The following GALNT18 variants were observed in gnomAD, a reference collection of about 807,000 sequenced individuals.
GALNT18 encodes the protein GalNAc-transferase 18.
Under a neutral mutation model 69.5 loss-of-function variants are expected in GALNT18, and 44 were observed. The observed-to-expected ratio is 0.63, with a 90% CI of 0.50 to 0.81. The LOEUF is 0.81. Ranked by LOEUF, GALNT18 falls within the 40% of genes least tolerant of loss-of-function variation. The pLI is 0.00. For missense variants in GALNT18, 715 were observed against 810.0 expected, an observed-to-expected ratio of 0.88 and a Z score of 1.42; for synonymous variants, 364 against 318.2, an observed-to-expected ratio of 1.14 and a Z score of -1.53.
intron 3 of GALNT18, among the ~76,000 whole-genome samples, chr11:11,399,420 G>A (rs1854410279): frequency 6.6e-6 from 1 of 152,148 alleles, no homozygotes; most frequent in African/African-American, 2.4e-5. Context: ...AAAGGGGTGG[G>A]TTTTGAGTGC....
intron 6 of GALNT18, among the ~76,000 whole-genome samples, chr11:11,366,576 C>A (rs938324141): frequency 6.6e-6 from 1 of 152,182 alleles, no homozygotes. Flanking sequence ...TAGGATAATA[C>A]TATCTGGCTT....
intron 1 of GALNT18, among the ~76,000 whole-genome samples, chr11:11,560,359 G>C: frequency 7.4e-6 from 1 of 134,562 alleles, no homozygotes; most frequent in Admixed American, 7.5e-5. Flanking sequence ...GAATGAAACA[G>C]AGTAGTTGTG....
At chr11:11,354,689 C>T (rs1157147882) in intron 6 of GALNT18, among the ~76,000 whole-genome samples, 1 of 152,170 alleles carries the variant, frequency 6.6e-6, no homozygotes, top group Non-Finnish European at 1.5e-5. Context: ...TGCTATACCA[C>T]AGCTTTTCGG....
At chr11:11,342,349 G>A (rs1044908315) in intron 6 of GALNT18, among the ~76,000 whole-genome samples, 2 of 152,154 alleles carry the variant, frequency 1.3e-5, no homozygotes, top group Admixed American at 1.3e-4. Flanking sequence ...AAGATCTCCT[G>A]GTGGACAGTA....
At chr11:11,553,427 C>T (rs1360192303) in intron 1 of GALNT18, among the ~76,000 whole-genome samples, 1 of 152,234 alleles carries the variant, frequency 6.6e-6, no homozygotes, top group Non-Finnish European at 1.5e-5. Context: ...CAAAGCCCAC[C>T]TCCACAGCTC....
At chr11:11,365,370 C>T (rs760718287) in intron 6 of GALNT18, among the ~76,000 whole-genome samples, 4 of 152,140 alleles carry the variant, frequency 2.6e-5, no homozygotes, top group Non-Finnish European at 2.9e-5. Flanking sequence ...TGTATATGTA[C>T]CACATTTTCT....
chr11:11,592,791 T>C lies in GALNT18; in HGVS notation c.235+28568A>G, dbSNP rs1436442706. Among the ~76,000 whole-genome samples the C allele has an allele frequency of 6.6e-6, 1 of 152,222 alleles. No individual in the cohort carries two copies. The highest frequency in any genetic ancestry group is 1.9e-4 in the East Asian group (1 of 5,196). On this transcript the variant is annotated intron_variant, in intron 1 of 10. Transcript: ENST00000227756. This position sits in a 1 kb window ranked among gnomAD's most constrained non-coding sequence, Gnocchi z 5.9. ...AAAATTTTTTGACATATCTTCAAAGTATAAAGAGAAGGCAAGATATTCTGT... is the reference window on the plus strand; with the variant it reads ...AAAATTTTTTGACATATCTTCAAAGCATAAAGAGAAGGCAAGATATTCTGT...
intron 7 of GALNT18, among the ~76,000 whole-genome samples, chr11:11,335,191 G>T (rs920762621): frequency 3.9e-5 from 6 of 152,182 alleles, no homozygotes; most frequent in African/African-American, 1.2e-4. Flanking sequence ...ACAGGGCAAA[G>T]TTTGCCTCCC....
intron 1 of GALNT18, among the ~76,000 whole-genome samples, chr11:11,503,776 T>C (rs10741551): frequency 0.36 from 55,396 of 152,098 alleles, 10,573 homozygotes; most frequent in East Asian, 0.59. Flanking sequence ...CCCCTTTTTG[T>C]TGACGTAAAT....
chr11:11,385,997 G>A (rs1030924593), intron 3 of GALNT18, among the ~76,000 whole-genome samples: 24 of 152,102 alleles, frequency 1.6e-4, no homozygotes, highest in African/African-American at 5.8e-4. Context: ...CTAAGCCAAG[G>A]CCTGTCAAAG....
chr11:11,513,881 TCA>T (rs1857212730), intron 1 of GALNT18, among the ~76,000 whole-genome samples: 1 of 152,228 alleles, frequency 6.6e-6, no homozygotes, highest in African/African-American at 2.4e-5. Flanking sequence ...TACAGGGAAC[TCA>T]CTCTGATGGG....
chr11:11,420,729 G>T (rs563091098), intron 3 of GALNT18, among the ~76,000 whole-genome samples: 26 of 152,268 alleles, frequency 1.7e-4, no homozygotes, highest in Middle Eastern at 6.8e-3. Context: ...GACCTTTCCT[G>T]CTGGCTGCAC....
chr11:11,423,532 CCCAGGCAAAGCT>C (rs1318847331), intron 3 of GALNT18, among the ~76,000 whole-genome samples: 2 of 152,176 alleles, frequency 1.3e-5, no homozygotes, highest in African/African-American at 2.4e-5. Flanking sequence ...TTACTGAAAC[CCCAGGCAAAGCT>C]CCAGGCAAAG....
intron 3 of GALNT18, among the ~76,000 whole-genome samples, chr11:11,426,376 C>T (rs533584204): frequency 6.6e-6 from 1 of 152,194 alleles, no homozygotes; most frequent in South Asian, 2.1e-4. Context: ...GTCCCAGGCT[C>T]CTCAGCTGCA....
At position 11,315,635 on chromosome 11, in the gene GALNT18, G is replaced by A. The variant is rs1417214199; in HGVS notation, c.1512+11451C>T. Among the ~76,000 whole-genome samples, 1 of 152,176 alleles carries A rather than the reference G, an allele frequency of 6.6e-6. No homozygotes were observed. The highest frequency in any genetic ancestry group is 2.4e-5 in the African/African-American group (1 of 41,442). On this transcript the variant is annotated intron_variant, in intron 9 of 10. Coordinates refer to ENST00000227756, the MANE Select transcript of GALNT18 (RefSeq NM_198516.3). This position sits in a 1 kb window ranked among gnomAD's most constrained non-coding sequence, Gnocchi z 5.6. Reference sequence around the variant, plus strand: ...ATCACCATCACATGTGGGGCACCGGGTCAGGCATCATGGCATACAGGCCAT... The same window carrying A: ...ATCACCATCACATGTGGGGCACCGGATCAGGCATCATGGCATACAGGCCAT...
intron 3 of GALNT18, among the ~76,000 whole-genome samples, chr11:11,380,760 A>G (rs1853893825): frequency 6.6e-6 from 1 of 152,218 alleles, no homozygotes; most frequent in Non-Finnish European, 1.5e-5. Flanking sequence ...ACTTTTATTT[A>G]ATCAGCCTTT....
At position 11,457,014 on chromosome 11, in the gene GALNT18, G is replaced by A. The variant is rs183200764; in HGVS notation, c.236-8078C>T. Among the ~76,000 whole-genome samples the A allele has an allele frequency of 2.1e-3, 325 of 152,358 alleles. 1 individual carries two copies. Among genetic ancestry groups the A allele is most frequent in the African/African-American group, 7.4e-3 (309 of 41,598 alleles). On this transcript the variant is annotated intron_variant, in intron 1 of 10. Transcript: ENST00000227756. Reference sequence around the variant, plus strand: ...TGAATGCAACAAAAGCCACAGCTCTGAGCGTTGTGCATGGGCTAATTGGCC... The same window carrying A: ...TGAATGCAACAAAAGCCACAGCTCTAAGCGTTGTGCATGGGCTAATTGGCC...
At position 11,454,538 on chromosome 11, in the gene GALNT18, C is replaced by T. The variant is rs895767242; in HGVS notation, c.236-5602G>A. Among the ~76,000 whole-genome samples, 1 of 151,852 alleles carries T rather than the reference C, an allele frequency of 6.6e-6. No homozygotes were observed. Among genetic ancestry groups the T allele is most frequent in the Non-Finnish European group, 1.5e-5 (1 of 67,970 alleles). ...TCTCTCTCTCTCTTTCAAATCTCAC[C>T]AAGTAAGGCTCAGAATCAAAAAGAT... On this transcript the variant is annotated intron_variant, in intron 1 of 10. Transcript: ENST00000227756. This position sits in a 1 kb window ranked among gnomAD's most constrained non-coding sequence, Gnocchi z 4.2.
chr11:11,592,108 T>TGCTA lies in GALNT18; in HGVS notation c.235+29247_235+29250dup, dbSNP rs1565031252. 1.3e-5 allele frequency among the ~76,000 whole-genome samples: 2 copies of TGCTA among 152,208 alleles called. No individual in the cohort carries two copies. The highest frequency in any genetic ancestry group is 2.9e-5 in the Non-Finnish European group (2 of 68,024). Reference sequence around the variant, plus strand: ...CTGGCATGTAATAAAACTCAATAAATGCTAGCTATTTGGCACAAACCAGAA... The same window carrying TGCTA: ...CTGGCATGTAATAAAACTCAATAAATGCTAGCTAGCTATTTGGCACAAACCAGAA... On this transcript the variant is annotated intron_variant, in intron 1 of 10. Transcript: ENST00000227756. The surrounding 1 kb of genome is among the most constrained non-coding windows in gnomAD (Gnocchi z 5.9).
Sources: allele counts gnomAD v4.1 joint callset (sites outside exome capture counted in the v4.1 genomes callset), GRCh38; gene constraint gnomAD v4.1.1; non-coding constraint Gnocchi (gnomAD v3.1); transcripts MANE v1.5; gene names NCBI Gene and HGNC (gene_info 2026-07-23, HGNC 2026-07-21).